The following GAA variants were observed in gnomAD, a reference collection of about 807,000 sequenced individuals.
The protein encoded by GAA is alpha glucosidase.
Under a neutral mutation model 103.9 loss-of-function variants are expected in GAA, and 88 were observed. That is an observed-to-expected ratio of 0.85 (90% CI 0.71 to 1.01). GAA has a LOEUF of 1.01. GAA is among the 50% of genes least tolerant of loss of function. The pLI is 0.00. For synonymous variants in GAA, 572 were observed against 563.1 expected (o/e 1.02, Z -0.22); for missense variants, 1,350 against 1,305.3 (o/e 1.03, Z -0.53).
intron 16 of GAA, among the ~76,000 whole-genome samples, 182 bp downstream of exon 16, chr17:80,117,291 A>G (rs2039376964): frequency 6.6e-6 from 1 of 152,016 alleles, no homozygotes; most frequent in African/African-American, 2.4e-5. Context: ...TCCTCACACC[A>G]TCCCCATTTC....
intron 16 of GAA, 72 bp from the exon 17 acceptor site, chr17:80,117,528 G>C (rs1321939868): frequency 1.3e-6 from 2 of 1,557,512 alleles, no homozygotes. Context: ...GGGAGATGGA[G>C]AGCGTGGTTC....
At position 80,103,915 on chromosome 17, in the gene GAA, C is replaced by T. The variant is rs12600845; in HGVS notation, c.-32-640C>T. ...GGTACTGGGTCCCCCTAAGGACATA[C>T]GAGTTGCCAGAATCACTTCCGCTGA... is the stretch of plus-strand genomic sequence containing the variant. On this transcript the variant is annotated intron_variant, in intron 1 of 19. Transcript: ENST00000302262. 0.5 allele frequency among the ~76,000 whole-genome samples: 75,701 copies of T among 151,980 alleles called. 19,264 individuals carry two copies. Among genetic ancestry groups the T allele is most frequent in the South Asian group, 0.59 (2,844 of 4,818 alleles).
intron 3 of GAA, 131 bp from the exon 4 acceptor site, chr17:80,107,426 C>A: frequency 8.5e-7 from 1 of 1,170,332 alleles, no homozygotes; most frequent in South Asian, 1.2e-5. Flanking sequence ...GTCCCAGGGT[C>A]AGTGTGCTGC....
rs115705591 is a variant in GAA, at chr17:80,117,668, C to T, written c.2400C>T (p.Ser800=). 1.2e-3 allele frequency: 2,015 copies of T among 1,612,816 alleles called. 20 individuals carry two copies. In the African/African-American group the frequency reaches 0.024, roughly 19 times the overall value. ...PAAPREPAIH[S]EGQWVTLPAP... ...CTCCCCGTGAGCCAGCCATCCACAG[C>T]GAGGGGCAGTGGGTGACGCTGCCGG... is the stretch of plus-strand genomic sequence containing the variant. The change falls in exon 17 of 20, where the codon AGC becomes AGT. Residue 800 remains serine (S), a synonymous_variant. Coordinates refer to ENST00000302262, the MANE Select transcript of GAA (RefSeq NM_000152.5).
At chr17:80,114,742 C>T (rs1453921460) in intron 15 of GAA, among the ~76,000 whole-genome samples, 1 of 152,134 alleles carries the variant, frequency 6.6e-6, no homozygotes, top group Non-Finnish European at 1.5e-5. Flanking sequence ...GGTTTTATTT[C>T]TTCATGTGGC....
intron 3 of GAA, among the ~76,000 whole-genome samples, chr17:80,106,605 C>A (rs1435660279): frequency 2.6e-5 from 4 of 152,140 alleles, no homozygotes; most frequent in Non-Finnish European, 5.9e-5. Context: ...AGTAGAGAGA[C>A]CCAAGAGAAG....
chr17:80,108,938 C>T, intron 8 of GAA, 110 bp downstream of exon 8: 1 of 1,347,276 alleles, frequency 7.4e-7, no homozygotes, highest in Non-Finnish European at 1.0e-6. Context: ...AGGATGTTTT[C>T]TGAGGGTCTT....
chr17:80,109,485 AG>A (rs1465630931), intron 8 of GAA, among the ~76,000 whole-genome samples: 1 of 152,202 alleles, frequency 6.6e-6, no homozygotes, highest in Non-Finnish European at 1.5e-5. Context: ...AAGATCCAAC[AG>A]TTCCTGCCCG....
At position 80,118,652 on chromosome 17, in the gene GAA, G is replaced by A; in HGVS notation, c.2647-1G>A. 6.2e-7 allele frequency: 1 copy of A among 1,612,092 alleles called. No individual in the cohort carries two copies. Among genetic ancestry groups the A allele is most frequent in the Non-Finnish European group, 8.5e-7 (1 of 1,179,996 alleles). Reference sequence around the variant, plus strand: ...TTTTCATCTCTCTCTGCTCGGCCCAGAACACGATCGTGAATGAGCTGGTAC... The same window carrying A: ...TTTTCATCTCTCTCTGCTCGGCCCAAAACACGATCGTGAATGAGCTGGTAC... On this transcript the variant is annotated splice_acceptor_variant, in intron 18 of 19. Coordinates refer to ENST00000302262, the MANE Select transcript of GAA (RefSeq NM_000152.5). LOFTEE classifies it high-confidence loss of function.
Position 80,112,596 on chromosome 17 carries a change from G to C in GAA, c.1773G>C (p.Arg591=), listed in dbSNP as rs1235564631. ...IASHRALVKA[R]GTRPFVISRS... ...ACCCCAGGGCGCTGGTGAAGGCTCG[G>C]GGGACACGCCCATTTGTGATCTCCC... is the stretch of plus-strand genomic sequence containing the variant. The change falls in exon 13 of 20, where the codon CGG becomes CGC. Residue 591 remains arginine, a synonymous_variant. Coordinates refer to ENST00000302262, the MANE Select transcript of GAA (RefSeq NM_000152.5). 1 of 1,613,010 alleles carries C rather than the reference G, an allele frequency of 6.2e-7. No individual in the cohort carries two copies. The highest frequency in any genetic ancestry group is 8.5e-7 in the Non-Finnish European group (1 of 1,179,964).
chr17:80,105,157 G>A (rs2039049884), intron 2 of GAA, 25 bp downstream of exon 2: 5 of 1,589,740 alleles, frequency 3.1e-6, no homozygotes, highest in Non-Finnish European at 4.3e-6. Flanking sequence ...GGCGGGGGCG[G>A]CGGCCAGGGC....
intron 9 of GAA, among the ~76,000 whole-genome samples, chr17:80,110,336 C>G (rs1332575008): frequency 1.3e-5 from 2 of 152,342 alleles, no homozygotes; most frequent in East Asian, 3.9e-4. Context: ...CCTTGTCCTC[C>G]CAGCCCCCCA....
intron 13 of GAA, 70 bp downstream of exon 13, chr17:80,112,781 C>G: frequency 6.3e-7 from 1 of 1,574,870 alleles, no homozygotes; most frequent in South Asian, 1.2e-5. Context: ...CTTGCCGGGG[C>G]CCCCCACCCA....
chr17:80,115,954 G>T (rs1293044350), intron 15 of GAA, among the ~76,000 whole-genome samples: 2 of 152,172 alleles, frequency 1.3e-5, no homozygotes, highest in Non-Finnish European at 2.9e-5. Flanking sequence ...TTCTTACAAA[G>T]ATTCAGCCAT....
chr17:80,103,957 C>T (rs994669731), intron 1 of GAA, among the ~76,000 whole-genome samples: 1 of 152,200 alleles, frequency 6.6e-6, no homozygotes, highest in Non-Finnish European at 1.5e-5. Flanking sequence ...GTGGACCAAG[C>T]CGCACCTTTA....
At chr17:80,105,691 T>G in intron 2 of GAA, 58 bp from the exon 3 acceptor site, 6 of 1,599,698 alleles carry the variant, frequency 3.8e-6, no homozygotes, top group Non-Finnish European at 5.1e-6. Context: ...GCGTGCGGGT[T>G]GTTCTCTGGA....
chr17:80,108,868 G>T, intron 8 of GAA, 40 bp downstream of exon 8: 1 of 1,553,902 alleles, frequency 6.4e-7, no homozygotes, highest in South Asian at 1.2e-5. Flanking sequence ...GAAGGGGGCC[G>T]CCCGGTGCCC....
At chr17:80,106,811 A>C (rs1222069921) in intron 3 of GAA, among the ~76,000 whole-genome samples, 1 of 152,158 alleles carries the variant, frequency 6.6e-6, no homozygotes, top group Non-Finnish European at 1.5e-5. Flanking sequence ...GGTCCCAGCT[A>C]CTCAGGAGGC....
chr17:80,113,210 C>T lies in GAA; in HGVS notation c.2041-8C>T. On this transcript the variant is annotated splice_polypyrimidine_tract_variant and splice_region_variant and intron_variant, in intron 14 of 19. Transcript: ENST00000302262. ...CAAGTGCTTCCTTTGCCCCCGCCTGCCCTGCAGCCCCAGGAGCCGTACAGC... is the reference window on the plus strand; with the variant it reads ...CAAGTGCTTCCTTTGCCCCCGCCTGTCCTGCAGCCCCAGGAGCCGTACAGC... The T allele has an allele frequency of 6.3e-7, 1 of 1,593,060 alleles. No homozygotes were observed. The highest frequency in any genetic ancestry group is 8.5e-7 in the Non-Finnish European group (1 of 1,171,982).
Sources: allele counts gnomAD v4.1 joint callset (sites outside exome capture counted in the v4.1 genomes callset), GRCh38; gene constraint gnomAD v4.1.1; transcripts MANE v1.5; gene names NCBI Gene and HGNC (gene_info 2026-07-23, HGNC 2026-07-21).